CHRM3: variants seen among roughly 807,000 people sequenced by gnomAD.
The protein encoded by CHRM3 is cholinergic receptor muscarinic 3, also known as muscarinic acetylcholine receptor M3.
In CHRM3, 11 loss-of-function variants were observed where a neutral mutation model predicts 41.8. That is an observed-to-expected ratio of 0.26 (90% CI 0.17 to 0.44). The LOEUF is 0.44. Ranked by LOEUF, CHRM3 falls within the 20% of genes least tolerant of loss-of-function variation. The pLI is 1.00. For synonymous variants in CHRM3, 297 were observed against 301.4 expected (o/e 0.99, Z 0.15); for missense variants, 571 against 745.4 (o/e 0.77, Z 2.72).
chr1:239,458,737 C>G (rs1308076547), intron 1 of CHRM3, among the ~76,000 whole-genome samples: 1 of 152,006 alleles, frequency 6.6e-6, no homozygotes, highest in Non-Finnish European at 1.5e-5. Flanking sequence ...TCTTTTTAAC[C>G]TGCATTAGTT....
rs146921467 is a variant in CHRM3 at position 239,555,716 on chromosome 1, A to G, written c.-313+9967A>G. 7.0e-3 allele frequency among the ~76,000 whole-genome samples: 1,065 copies of G among 152,288 alleles called. 4 individuals carry two copies. The highest frequency in any genetic ancestry group is 0.013 in the Non-Finnish European group (875 of 68,018). ...GATTAAAGAACTGCCCTGAACTGCT[A>G]CTCTATGCTTATGGGGTAGCCCTAC... On this transcript the variant is annotated intron_variant, in intron 3 of 6. Coordinates refer to ENST00000676153, the MANE Select transcript of CHRM3 (RefSeq NM_001375978.1).
At chr1:239,812,876 G>A (rs933886294) in intron 5 of CHRM3, among the ~76,000 whole-genome samples, 1 of 152,224 alleles carries the variant, frequency 6.6e-6, no homozygotes, top group Non-Finnish European at 1.5e-5. Context: ...AGCAAAGTTG[G>A]AGTCTGCCCT....
intron 1 of CHRM3, among the ~76,000 whole-genome samples, chr1:239,456,295 T>A (rs1664930280): frequency 6.6e-6 from 1 of 152,212 alleles, no homozygotes; most frequent in African/African-American, 2.4e-5. Context: ...CAAGCTGCGT[T>A]CGAGGTAAAT....
chr1:239,827,177 A>G (rs1304660533), intron 5 of CHRM3, 75 bp from the exon 6 acceptor site: 1 of 152,204 alleles, frequency 6.6e-6, no homozygotes, highest in East Asian at 1.9e-4. Context: ...ATGATGCTTA[A>G]TGACTCCACC....
chr1:239,856,517 T>C (rs1675133745), intron 6 of CHRM3, among the ~76,000 whole-genome samples: 1 of 151,966 alleles, frequency 6.6e-6, no homozygotes, highest in South Asian at 2.1e-4. Context: ...CCTGAGGCCT[T>C]TCCAACCATG....
At chr1:239,745,781 C>T (rs1304470755) in intron 5 of CHRM3, among the ~76,000 whole-genome samples, 1 of 152,070 alleles carries the variant, frequency 6.6e-6, no homozygotes, top group Non-Finnish European at 1.5e-5. Context: ...TAACATTAGA[C>T]ACTTCTCAAA....
At chr1:239,416,770 G>A (rs1036890399) in intron 1 of CHRM3, among the ~76,000 whole-genome samples, 14 of 152,146 alleles carry the variant, frequency 9.2e-5, no homozygotes, top group Admixed American at 2.6e-4. Flanking sequence ...CATATAATTT[G>A]GAAGCCCAGA....
chr1:239,837,865 G>A (rs1241517633), intron 6 of CHRM3, among the ~76,000 whole-genome samples: 1 of 152,162 alleles, frequency 6.6e-6, no homozygotes, highest in African/African-American at 2.4e-5. Context: ...GTGCAGCATA[G>A]TAGGCCAAGC....
chr1:239,745,334 G>A (rs1665250733), intron 5 of CHRM3, among the ~76,000 whole-genome samples: 1 of 152,024 alleles, frequency 6.6e-6, no homozygotes, highest in South Asian at 2.1e-4. Flanking sequence ...GAGATGTTGA[G>A]GAGGTACACA....
At chr1:239,747,196 G>T (rs1459444501) in intron 5 of CHRM3, among the ~76,000 whole-genome samples, 2 of 152,096 alleles carry the variant, frequency 1.3e-5, no homozygotes, top group Non-Finnish European at 2.9e-5. Context: ...TAAGTAAACT[G>T]ATTTCTAGTA....
At chr1:239,570,278 T>C (rs114158944) in intron 3 of CHRM3, among the ~76,000 whole-genome samples, 5,146 of 152,250 alleles carry the variant, frequency 0.034, 106 homozygotes, top group Middle Eastern at 0.058. Flanking sequence ...AAAGTGCTTG[T>C]TTCCCCTTCA....
At chr1:239,794,393 T>G (rs1042960469) in intron 5 of CHRM3, among the ~76,000 whole-genome samples, 2 of 151,720 alleles carry the variant, frequency 1.3e-5, no homozygotes, top group Admixed American at 6.6e-5. Context: ...TGTTGTTTTT[T>G]TTTTTTTTTT....
chr1:239,461,959 C>A (rs926429843), intron 1 of CHRM3, among the ~76,000 whole-genome samples: 2 of 152,152 alleles, frequency 1.3e-5, no homozygotes, highest in Non-Finnish European at 2.9e-5. Context: ...GAAAAAATGA[C>A]CGTCCAATGG....
chr1:239,445,925 A>G (rs1664092072), intron 1 of CHRM3, among the ~76,000 whole-genome samples: 1 of 150,668 alleles, frequency 6.6e-6, no homozygotes, highest in African/African-American at 2.4e-5. Context: ...GAATTATGAC[A>G]TCTTGAATGG....
chr1:239,745,864 T>C (rs1467681209), intron 5 of CHRM3, among the ~76,000 whole-genome samples: 1 of 152,150 alleles, frequency 6.6e-6, no homozygotes, highest in Non-Finnish European at 1.5e-5. Flanking sequence ...GCTAACAACT[T>C]TGTCTTGAAG....
chr1:239,440,968 G>A (rs1455957334), intron 1 of CHRM3, among the ~76,000 whole-genome samples: 3 of 152,082 alleles, frequency 2.0e-5, no homozygotes, highest in Admixed American at 1.3e-4. Context: ...TACTCTGGGT[G>A]GTGTATCATT....
chr1:239,598,964 C>G (rs1470587253), intron 3 of CHRM3, among the ~76,000 whole-genome samples: 1 of 151,852 alleles, frequency 6.6e-6, no homozygotes, highest in African/African-American at 2.4e-5. Flanking sequence ...TTTTGGCCCT[C>G]CCCTAATCTC....
intron 5 of CHRM3, among the ~76,000 whole-genome samples, chr1:239,693,694 A>G (rs1659923491): frequency 6.6e-6 from 1 of 152,176 alleles, no homozygotes. Flanking sequence ...AAAACCCAAG[A>G]TAGTGGGGGC....
intron 1 of CHRM3, among the ~76,000 whole-genome samples, chr1:239,479,008 C>T (rs1447625272): frequency 6.6e-6 from 1 of 152,028 alleles, no homozygotes; most frequent in South Asian, 2.1e-4. Context: ...CATGGGGAAA[C>T]CCTGTCTCTA....
Sources: allele counts gnomAD v4.1 joint callset (sites outside exome capture counted in the v4.1 genomes callset), GRCh38; gene constraint gnomAD v4.1.1; transcripts MANE v1.5; gene names NCBI Gene and HGNC (gene_info 2026-07-23, HGNC 2026-07-21).